The following GTPBP6 variants were observed in gnomAD, a reference collection of about 807,000 sequenced individuals.
GTPBP6 encodes the protein GTP binding protein 6.
In GTPBP6, 33 loss-of-function variants were observed where a neutral mutation model predicts 28.9. That is an observed-to-expected ratio of 1.14 (90% CI 0.87 to 1.53). The LOEUF is 1.53. GTPBP6 is among the 40% of genes most tolerant of loss of function. The pLI, the probability that GTPBP6 is intolerant of heterozygous loss-of-function variation, is 0.00. For missense variants in GTPBP6, 507 were observed against 408.3 expected (o/e 1.24, Z -2.08); for synonymous variants, 231 against 192.7 (o/e 1.20, Z -1.65).
chrX:311,198 T>C (rs139490090), intron 7 of GTPBP6, among the ~76,000 whole-genome samples: 4,544 of 82,544 alleles, frequency 0.055, 315 homozygotes, highest in African/African-American at 0.18. Flanking sequence ...GGTGGGTGTC[T>C]GAGGGCCCGG....
At chrX:307,597 G>T in intron 8 of GTPBP6, 85 bp from the exon 9 acceptor site, 1 of 1,496,846 alleles carries the variant, frequency 6.7e-7, no homozygotes, top group East Asian at 2.4e-5. Flanking sequence ...ACTGCCCACG[G>T]GGCACAGTCT....
At chrX:310,730 G>C (rs2070269362) in intron 7 of GTPBP6, among the ~76,000 whole-genome samples, 1 of 152,144 alleles carries the variant, frequency 6.6e-6, no homozygotes, top group Non-Finnish European at 1.5e-5. Context: ...AGGCAGGAAG[G>C]ACCCTCCCCT....
intron 4 of GTPBP6, among the ~76,000 whole-genome samples, chrX:314,594 T>A (rs1198957997): frequency 2.6e-5 from 4 of 151,592 alleles, no homozygotes; most frequent in African/African-American, 7.3e-5. Flanking sequence ...TGCCTCAGCC[T>A]CCTGAGTAGC....
intron 7 of GTPBP6, 122 bp from the exon 8 acceptor site, chrX:308,002 G>A (rs2070209226): frequency 3.4e-6 from 3 of 879,834 alleles, no homozygotes; most frequent in Admixed American, 3.7e-5. Flanking sequence ...TGGGAGGTAC[G>A]CCTGTGTGCA....
chrX:307,138 GCA>G (rs1442347113), intron 9 of GTPBP6, among the ~76,000 whole-genome samples: 6 of 125,088 alleles, frequency 4.8e-5, no homozygotes, highest in Non-Finnish European at 7.4e-5. Context: ...CCTGTTGTAT[GCA>G]CAGTCACAAA....
chrX:306,577 T>G (rs1319270145), intron 9 of GTPBP6, among the ~76,000 whole-genome samples: 2 of 151,028 alleles, frequency 1.3e-5, no homozygotes, highest in Non-Finnish European at 3.0e-5. Flanking sequence ...AATGTATTTT[T>G]ACTGTCAAGC....
intron 5 of GTPBP6, among the ~76,000 whole-genome samples, chrX:313,814 C>T (rs1244317005): frequency 1.3e-5 from 2 of 152,164 alleles, no homozygotes; most frequent in Non-Finnish European, 2.9e-5. Context: ...GCAGCCCTGT[C>T]CTCACCTTGA....
intron 1 of GTPBP6, among the ~76,000 whole-genome samples, 176 bp downstream of exon 1, chrX:318,263 C>T (rs1287793129): frequency 1.3e-5 from 2 of 151,564 alleles, no homozygotes; most frequent in African/African-American, 4.9e-5. Flanking sequence ...GAGCCCCGCC[C>T]TTGCGCCTCC....
intron 9 of GTPBP6, 138 bp from the exon 10 acceptor site, chrX:305,335 T>G (rs1243305646): frequency 2.7e-5 from 20 of 730,096 alleles, no homozygotes; most frequent in Non-Finnish European, 4.3e-5. Flanking sequence ...TTTTTTTTTT[T>G]TTTTGAGACG....
chrX:317,569 T>TGGGGGGTGGGGGGTGGGGG (rs1187572118), intron 1 of GTPBP6, among the ~76,000 whole-genome samples: 3 of 117,548 alleles, frequency 2.6e-5, no homozygotes, highest in African/African-American at 9.6e-5. Context: ...GGGTGGGGGG[T>TGGGGGGTGGGGGGTGGGGG]GGGACTAGAC....
chrX:310,504 A>G (rs751250876), intron 7 of GTPBP6, among the ~76,000 whole-genome samples: 23 of 129,986 alleles, frequency 1.8e-4, no homozygotes, highest in African/African-American at 7.4e-4. Flanking sequence ...TGAATGGGAC[A>G]TTATTTGGAA....
intron 7 of GTPBP6, among the ~76,000 whole-genome samples, chrX:309,714 C>T (rs186267944): frequency 0.014 from 2,017 of 145,308 alleles, 35 homozygotes; most frequent in African/African-American, 0.05. Context: ...GCAGGAAGGA[C>T]CCTCACCTAG....
chrX:313,781 CAGA>C (rs1189541987), intron 5 of GTPBP6, among the ~76,000 whole-genome samples: 1 of 152,130 alleles, frequency 6.6e-6, no homozygotes, highest in Non-Finnish European at 1.5e-5. Context: ...CTGGGAGAGG[CAGA>C]AGGAGCCCCT....
exon 10 of GTPBP6, chrX:304,949 C>T (rs1249301679): frequency 1.2e-4 from 178 of 1,481,878 alleles, no homozygotes; most frequent in Middle Eastern, 2.5e-4. Flanking sequence ...GGGAGCGAGA[C>T]GGGTGCAGAA....
At chrX:311,166 T>C (rs1175254672) in intron 7 of GTPBP6, among the ~76,000 whole-genome samples, 3 of 85,882 alleles carry the variant, frequency 3.5e-5, no homozygotes, top group African/African-American at 5.4e-5. Flanking sequence ...CAGGAGGCAG[T>C]TGTTGTTCCG....
At chrX:317,441 T>G (rs1409317859) in intron 1 of GTPBP6, among the ~76,000 whole-genome samples, 1 of 151,672 alleles carries the variant, frequency 6.6e-6, no homozygotes, top group Non-Finnish European at 1.5e-5. Context: ...ATTAGCCATT[T>G]TGGAAAACAC....
chrX:317,712 CCCCA>C (rs2070465010), intron 1 of GTPBP6, among the ~76,000 whole-genome samples: 3 of 130,254 alleles, frequency 2.3e-5, no homozygotes, highest in African/African-American at 6.1e-5. Flanking sequence ...CCCCACCCCA[CCCCA>C]CCCCACCCCA....
intron 9 of GTPBP6, among the ~76,000 whole-genome samples, chrX:306,954 A>C (rs188656964): frequency 0.062 from 7,427 of 119,640 alleles, 720 homozygotes; most frequent in African/African-American, 0.23. Flanking sequence ...TTTGACTGTC[A>C]GCACAGATTA....
At chrX:312,884 C>T (rs1341316322) in exon 6 of GTPBP6, 1 of 1,612,614 alleles carries the variant, frequency 6.2e-7, no homozygotes, top group African/African-American at 1.3e-5. Flanking sequence ...TGGCCTCCTT[C>T]TCTCTCAGGA....
Sources: gnomAD v4.1 joint callset for allele counts (sites outside exome capture counted in the v4.1 genomes callset) on GRCh38, gnomAD v4.1.1 for gene constraint, MANE v1.5 for transcripts, NCBI Gene and HGNC (gene_info 2026-07-23, HGNC 2026-07-21) for gene names.